Variants in RBMS1 observed in about 807,000 individuals in gnomAD.
The protein encoded by RBMS1 is RNA-binding motif, single-stranded-interacting protein 1.
A neutral mutation model predicts 62.3 loss-of-function variants in RBMS1; 17 were observed. That is an observed-to-expected ratio of 0.27 (90% CI 0.19 to 0.41). RBMS1 has a LOEUF of 0.41. Among genes scored for constraint, RBMS1 ranks in the 10% least tolerant of loss-of-function variants. RBMS1 has a pLI of 1.00. For synonymous variants in RBMS1, 172 were observed against 170.0 expected, an observed-to-expected ratio of 1.01 and a Z score of -0.09; for missense variants, 334 against 504.5, an observed-to-expected ratio of 0.66 and a Z score of 3.24.
At chr2:160,332,872 A>T (rs1342649707) in intron 2 of RBMS1, among the ~76,000 whole-genome samples, 3 of 149,458 alleles carry the variant, frequency 2.0e-5, no homozygotes, top group African/African-American at 7.3e-5. Flanking sequence ...CATATATTTT[A>T]TATATATAAT....
At chr2:160,392,443 T>A (rs1559493857) in intron 1 of RBMS1, among the ~76,000 whole-genome samples, 1 of 150,750 alleles carries the variant, frequency 6.6e-6, no homozygotes, top group Non-Finnish European at 1.5e-5. Flanking sequence ...TTAAAATATT[T>A]ACTATCTGGC....
intron 12 of RBMS1, among the ~76,000 whole-genome samples, chr2:160,276,225 C>T (rs1687824105): frequency 6.6e-6 from 1 of 152,144 alleles, no homozygotes; most frequent in Admixed American, 6.5e-5. Flanking sequence ...AAAGTAGTTA[C>T]AAAGATAATT....
rs145649350 is a variant in RBMS1, at chr2:160,367,363, G to C, written c.104C>G (p.Ala35Gly). 79 of 1,613,686 alleles carry C rather than the reference G, an allele frequency of 4.9e-5. No homozygotes were observed. Among genetic ancestry groups the C allele is most frequent in the Non-Finnish European group, 6.6e-5 (78 of 1,179,934 alleles). ...GCTGGTGGTGCTGGGACTGGGAGGG[G>C]CCATGGGGTGGGCTGGGACCAGAGA... is the stretch of plus-strand genomic sequence containing the variant. ...KQSLVPAHPM[A>G]PPSPSTTSSN... Residue 35 changes from alanine (A) to glycine (G), a missense_variant, in exon 2 of 14, where the codon GCC becomes GGC. By Grantham distance (60) the Ala-to-Gly change is moderately conservative. This residue lies in a region of RBMS1 where 150 missense variants were observed against 228.0 expected (regional missense o/e 0.66). Transcript: ENST00000348849.
chr2:160,377,856 C>T (rs749095494), intron 1 of RBMS1, among the ~76,000 whole-genome samples: 13 of 152,164 alleles, frequency 8.5e-5, no homozygotes, highest in Non-Finnish European at 1.5e-4. Flanking sequence ...TATCCAAGGC[C>T]ATACAGCTAA....
rs373240940 is a variant in RBMS1, at chr2:160,313,225, G to A, written c.333C>T (p.Asp111=). The change falls in exon 4 of 14, where the codon GAC becomes GAT. Residue 111 remains aspartate, a synonymous_variant. Transcript: ENST00000348849. ...CAGCTTTTTGAGCTGCTGCAGGGCT[G>A]TCAAAGTCGACAAAACCATAACCTG... ...KCKGYGFVDF[D]SPAAAQKAVS... is the part of the protein sequence containing the mutation. 3 of 1,613,188 alleles carry A rather than the reference G, an allele frequency of 1.9e-6. No homozygotes were observed. Among genetic ancestry groups the A allele is most frequent in the African/African-American group, 1.3e-5 (1 of 74,872 alleles).
At chr2:160,388,464 G>A (rs1232947149) in intron 1 of RBMS1, among the ~76,000 whole-genome samples, 2 of 152,134 alleles carry the variant, frequency 1.3e-5, no homozygotes, top group Non-Finnish European at 2.9e-5. Flanking sequence ...GAAATTCAGA[G>A]ACCCAGTGCC....
At position 160,273,504 on chromosome 2, in the gene RBMS1, T is replaced by TAGAGAG. The variant is rs143610802; in HGVS notation, c.*1262_*1267dup. 6.7e-6 allele frequency: 1 copy of TAGAGAG among 150,278 alleles called. No homozygotes were observed. Among genetic ancestry groups the TAGAGAG allele is most frequent in the Non-Finnish European group, 1.5e-5 (1 of 67,338 alleles). 9.3% of individuals were successfully genotyped at this position (150,278 alleles called of 1,614,324 possible). On this transcript the variant is annotated 3_prime_UTR_variant, in exon 14 of 14. Coordinates refer to ENST00000348849, the MANE Select transcript of RBMS1 (RefSeq NM_016836.4). ...ATTTTTATTTTTCAAATTTACCTAA[T>TAGAGAG]AGAGAGAGAGAGAGAGAGCTAGTAG... is the stretch of plus-strand genomic sequence containing the variant.
At position 160,274,222 on chromosome 2, in the gene RBMS1, G is replaced by A. The variant is rs140877841; in HGVS notation, c.*550C>T. 7.2e-5 allele frequency: 11 copies of A among 152,626 alleles called. No individual in the cohort carries two copies. The East Asian group carries it at 2.1e-3, about 30-fold the overall frequency. The allele number at this position is 152,626 out of a possible 1,614,324, so 9.5% of individuals were successfully genotyped here. ...TTCACACTACGTTGAAAGAAAGACA[G>A]AAAGCTAAGAAAAGAGACACTGACG... On this transcript the variant is annotated 3_prime_UTR_variant, in exon 14 of 14. Transcript: ENST00000348849.
chr2:160,450,829 G>C (rs541303856), intron 1 of RBMS1, among the ~76,000 whole-genome samples: 7 of 152,174 alleles, frequency 4.6e-5, no homozygotes, highest in Admixed American at 2.0e-4. Context: ...TTAATACTGT[G>C]ACTGATTTTT....
intron 2 of RBMS1, among the ~76,000 whole-genome samples, chr2:160,360,248 C>T (rs1478384352): frequency 1.3e-5 from 2 of 152,130 alleles, no homozygotes; most frequent in South Asian, 2.1e-4. Flanking sequence ...CACTAAAAGT[C>T]GGTGCCTTTC....
chr2:160,396,780 G>C (rs1695166178), intron 1 of RBMS1, among the ~76,000 whole-genome samples: 1 of 151,980 alleles, frequency 6.6e-6, no homozygotes, highest in East Asian at 1.9e-4. Flanking sequence ...GGTCAGGCTG[G>C]TCTCGAACTC....
chr2:160,359,333 T>C (rs1692994767), intron 2 of RBMS1, among the ~76,000 whole-genome samples: 2 of 152,200 alleles, frequency 1.3e-5, no homozygotes. Context: ...TGAATACTCC[T>C]GTGTAGAATA....
chr2:160,470,425 A>C (rs1345084439), intron 1 of RBMS1, among the ~76,000 whole-genome samples: 1 of 152,210 alleles, frequency 6.6e-6, no homozygotes, highest in Non-Finnish European at 1.5e-5. Context: ...CATACATATA[A>C]ATTTTCTAGA....
intron 4 of RBMS1, among the ~76,000 whole-genome samples, chr2:160,307,654 TC>T (rs1689613720): frequency 6.6e-6 from 1 of 152,258 alleles, no homozygotes. Context: ...TTAAGTTTCA[TC>T]AGTGTACTTG....
intron 1 of RBMS1, among the ~76,000 whole-genome samples, chr2:160,467,866 G>A (rs62179092): frequency 0.28 from 42,832 of 151,650 alleles, 6,655 homozygotes; most frequent in East Asian, 0.6. Context: ...AAGTAGACAT[G>A]TATATCTCAA....
intron 4 of RBMS1, among the ~76,000 whole-genome samples, chr2:160,304,995 C>T (rs1224388041): frequency 2.0e-5 from 3 of 152,114 alleles, no homozygotes; most frequent in Non-Finnish European, 4.4e-5. Context: ...GCTGGGACTA[C>T]AGGCATGTAC....
chr2:160,463,092 G>GA (rs11372291), intron 1 of RBMS1, among the ~76,000 whole-genome samples: 32,747 of 149,174 alleles, frequency 0.22, 3,838 homozygotes, highest in African/African-American at 0.31. Flanking sequence ...AGAGAAGAAA[G>GA]AAAAAAAAAA....
chr2:160,309,742 C>T (rs186289573), intron 4 of RBMS1, among the ~76,000 whole-genome samples: 1 of 152,300 alleles, frequency 6.6e-6, no homozygotes, highest in Admixed American at 6.5e-5. Flanking sequence ...ATCAGATGAC[C>T]TCACTGTCAG....
At chr2:160,459,424 A>C (rs1209266413) in intron 1 of RBMS1, among the ~76,000 whole-genome samples, 5 of 152,214 alleles carry the variant, frequency 3.3e-5, no homozygotes, top group African/African-American at 1.2e-4. Flanking sequence ...AAAAGATTAA[A>C]TATATTTTGG....
Sources: allele counts gnomAD v4.1 joint callset (sites outside exome capture counted in the v4.1 genomes callset), GRCh38; gene constraint gnomAD v4.1.1; regional missense constraint gnomAD v4.1.1; transcripts MANE v1.5; gene names NCBI Gene and HGNC (gene_info 2026-07-23, HGNC 2026-07-21).